The following SLC22A25 variants were observed in gnomAD, a reference collection of about 807,000 sequenced individuals.
SLC22A25 encodes the protein MGI:2442751, MGI:2385316, MGI:3042283, MGI:3645714, MGI:3605624, MGI:2442750.
In SLC22A25, 44 loss-of-function variants were observed where a neutral mutation model predicts 45.9. That is an observed-to-expected ratio of 0.96 (90% CI 0.75 to 1.23). SLC22A25 has a LOEUF of 1.23. Among genes scored for constraint, SLC22A25 ranks in the 50% most tolerant of loss-of-function variants. The probability of loss-of-function intolerance (pLI) is 0.00; values close to 1 mark genes in which losing one functional copy is unlikely to be tolerated. For synonymous variants in SLC22A25, 283 were observed against 238.6 expected (o/e 1.19, Z -1.72); for missense variants, 800 against 666.4 (o/e 1.20, Z -2.21).
In SLC22A25 at chr11:63,196,866, C is replaced by A. The variant is rs144145491; in HGVS notation, c.831-13049G>T. 3.0e-3 allele frequency among the ~76,000 whole-genome samples: 461 copies of A among 152,308 alleles called. 4 individuals carry two copies. In the East Asian group the frequency reaches 0.043, roughly 14 times the overall value. ...GTATATTTAGAAAACCCCATCATCT[C>A]AGCCCAAAATCTCCTTAAGCTGATA... On this transcript the variant is annotated intron_variant, in intron 7 of 11. Coordinates refer to ENST00000306494, the MANE Select transcript of SLC22A25 (RefSeq NM_199352.6).
At chr11:63,238,321 C>T (rs988587482) in intron 2 of SLC22A25, among the ~76,000 whole-genome samples, 5 of 152,138 alleles carry the variant, frequency 3.3e-5, no homozygotes, top group African/African-American at 9.7e-5. Flanking sequence ...TTTAATGATT[C>T]GTGATTATCA....
rs561226112 is a variant in SLC22A25, at chr11:63,179,387, T to G, written c.1070+1273A>C. On this transcript the variant is annotated intron_variant, in intron 9 of 11. Coordinates refer to ENST00000306494, the MANE Select transcript of SLC22A25 (RefSeq NM_199352.6). ...CTATACATTTGAAGAAATAGCCACC[T>G]CTTCCTGTCTTCCCAGACTGGCTTT... 4.6e-5 allele frequency among the ~76,000 whole-genome samples: 7 copies of G among 152,284 alleles called. No individual in the cohort carries two copies. In the East Asian group the frequency reaches 1.4e-3, roughly 29 times the overall value.
chr11:63,239,765 G>A (rs771945258), intron 1 of SLC22A25, among the ~76,000 whole-genome samples: 1 of 152,158 alleles, frequency 6.6e-6, no homozygotes, highest in Non-Finnish European at 1.5e-5. Flanking sequence ...AGTAAGCCAT[G>A]GCAAGCTCAT....
Position 63,161,346 on chromosome 11 carries a change from C to T in SLC22A25, c.*2478G>A, listed in dbSNP as rs1422161935. ...GAGTTAATGCTGAAATGAGTTAAAA[C>T]TTTGGGGGACTGTTGGGAAGGCATG... On this transcript the variant is annotated 3_prime_UTR_variant, in exon 12 of 12. Transcript: ENST00000306494. 2.6e-5 allele frequency among the ~76,000 whole-genome samples: 4 copies of T among 152,100 alleles called. No homozygotes were observed. The highest frequency in any genetic ancestry group is 9.7e-5 in the African/African-American group (4 of 41,404).
chr11:63,243,091 C>G (rs1190107863), intron 1 of SLC22A25: 1 of 159,776 alleles, frequency 6.3e-6, no homozygotes, highest in East Asian at 1.8e-4. Flanking sequence ...GGCCATGCAG[C>G]TGCTGGGCTG....
At chr11:63,207,704 CT>C (rs1363956847) in intron 7 of SLC22A25, among the ~76,000 whole-genome samples, 4 of 152,168 alleles carry the variant, frequency 2.6e-5, no homozygotes, top group African/African-American at 9.7e-5. Flanking sequence ...TTTTCTGTGG[CT>C]AGTGAGCCTT....
chr11:63,170,884 T>A (rs2087855007), intron 9 of SLC22A25, among the ~76,000 whole-genome samples: 1 of 152,002 alleles, frequency 6.6e-6, no homozygotes, highest in South Asian at 2.1e-4. Context: ...CAGGCCAATA[T>A]CCCTGATGAA....
chr11:63,172,092 A>T (rs914883783), intron 9 of SLC22A25, among the ~76,000 whole-genome samples: 17 of 152,320 alleles, frequency 1.1e-4, no homozygotes, highest in African/African-American at 4.1e-4. Flanking sequence ...GGCTAGCCAT[A>T]TGCAGAAAAC....
chr11:63,179,423 C>A (rs974169492), intron 9 of SLC22A25, among the ~76,000 whole-genome samples: 1 of 152,082 alleles, frequency 6.6e-6, no homozygotes, highest in South Asian at 2.1e-4. Flanking sequence ...TACAATCAGC[C>A]CAGATAGAGA....
intron 3 of SLC22A25, among the ~76,000 whole-genome samples, chr11:63,235,144 G>T (rs1208419180): frequency 6.6e-6 from 1 of 152,172 alleles, no homozygotes; most frequent in African/African-American, 2.4e-5. Flanking sequence ...TTCTTGAGGA[G>T]TATCTTTGTG....
rs763533661 is a variant in SLC22A25 at position 63,217,720 on chromosome 11, G to C, written c.522C>G (p.Phe174Leu). Residue 174 changes from phenylalanine (F) to leucine (L), a missense_variant, in exon 6 of 12, where the codon TTC becomes TTG. Coordinates refer to ENST00000306494, the MANE Select transcript of SLC22A25 (RefSeq NM_199352.6). The stretch of plus-strand genomic sequence containing the variant: ...GCTGGAGGTAAGACCATCTGAGCAC[G>C]AACTTTCTCCCAAACCTGAGAAACA... The part of the protein sequence containing the change: ...GHLSDRFGRK[F>L]VLRWSYLQLA... 4 of 1,608,210 alleles carry C rather than the reference G, an allele frequency of 2.5e-6. No individual in the cohort carries two copies. In the East Asian group the frequency reaches 8.9e-5, roughly 36 times the overall value.
intron 3 of SLC22A25, among the ~76,000 whole-genome samples, chr11:63,231,749 G>A (rs1251710889): frequency 6.6e-6 from 1 of 152,004 alleles, no homozygotes; most frequent in Non-Finnish European, 1.5e-5. Flanking sequence ...TTTCTTCTAG[G>A]GTTTTTATGG....
At chr11:63,235,232 A>G (rs964113750) in intron 3 of SLC22A25, among the ~76,000 whole-genome samples, 3 of 152,202 alleles carry the variant, frequency 2.0e-5, no homozygotes, top group African/African-American at 7.2e-5. Context: ...AATTTCCTGC[A>G]GAGTGTTTTC....
chr11:63,193,800 G>A lies in SLC22A25; in HGVS notation c.831-9983C>T, dbSNP rs571368015. ...CCCTGCCAGCAATGGAACAAAGCTG[G>A]ACGGAGGTGACTTTGATGAGTTGAC... On this transcript the variant is annotated intron_variant, in intron 7 of 11. Transcript: ENST00000306494. 2.0e-5 allele frequency among the ~76,000 whole-genome samples: 3 copies of A among 152,366 alleles called. No individual in the cohort carries two copies. The South Asian group carries it at 6.2e-4, about 32-fold the overall frequency.
chr11:63,198,349 A>AT (rs1391929178), intron 7 of SLC22A25, among the ~76,000 whole-genome samples: 1 of 152,252 alleles, frequency 6.6e-6, no homozygotes, highest in Non-Finnish European at 1.5e-5. Flanking sequence ...GATAGACTGG[A>AT]TTAAGAAAAT....
In SLC22A25 at chr11:63,214,795, T is replaced by A. The variant is rs141622710; in HGVS notation, c.830+2519A>T. On this transcript the variant is annotated intron_variant, in intron 7 of 11. Coordinates refer to ENST00000306494, the MANE Select transcript of SLC22A25 (RefSeq NM_199352.6). Reference sequence around the variant, plus strand: ...ACTCTTTGTTCAGGGCTCAGTCCTTTGGATGTTAATTTGACTGGGCCAGTG... The same window carrying A: ...ACTCTTTGTTCAGGGCTCAGTCCTTAGGATGTTAATTTGACTGGGCCAGTG... Among the ~76,000 whole-genome samples, 530 of 152,020 alleles carry A rather than the reference T, an allele frequency of 3.5e-3. 2 individuals carry two copies. The highest frequency in any genetic ancestry group is 0.011 in the African/African-American group (474 of 41,450).
chr11:63,229,227 A>G (rs1322230024), intron 4 of SLC22A25, 24 bp downstream of exon 4: 2 of 1,503,122 alleles, frequency 1.3e-6, no homozygotes, highest in Middle Eastern at 1.8e-4. Flanking sequence ...CATGTACACA[A>G]GAGAGGAAAA....
chr11:63,227,572 A>G (rs1590907311), intron 5 of SLC22A25, among the ~76,000 whole-genome samples: 1 of 152,188 alleles, frequency 6.6e-6, no homozygotes, highest in African/African-American at 2.4e-5. Flanking sequence ...AATGGAATGA[A>G]GGAGTCTATT....
At chr11:63,189,369 C>T (rs2088700828) in intron 7 of SLC22A25, among the ~76,000 whole-genome samples, 1 of 152,078 alleles carries the variant, frequency 6.6e-6, no homozygotes, top group Admixed American at 6.6e-5. Flanking sequence ...GATTGCTACC[C>T]CTGCTTTTTT....
Sources: gnomAD v4.1 joint callset for allele counts (sites outside exome capture counted in the v4.1 genomes callset) on GRCh38, gnomAD v4.1.1 for gene constraint, MANE v1.5 for transcripts, NCBI Gene and HGNC (gene_info 2026-07-23, HGNC 2026-07-21) for gene names.